FOXJ3: variants seen among roughly 807,000 people sequenced by gnomAD.
The protein encoded by FOXJ3 is forkhead box J3.
FOXJ3 carries 22 observed loss-of-function variants against 76.1 expected under a neutral mutation model. That is an observed-to-expected ratio of 0.29 (90% CI 0.21 to 0.41). The LOEUF (loss-of-function observed/expected upper bound fraction) is 0.41, where lower values mean the gene tolerates loss of function less well. FOXJ3 is among the 10% of genes least tolerant of loss of function. FOXJ3 has a pLI of 1.00. For synonymous variants in FOXJ3, 269 were observed against 261.2 expected, an observed-to-expected ratio of 1.03 and a Z score of -0.29; for missense variants, 613 against 762.1, an observed-to-expected ratio of 0.80 and a Z score of 2.30.
intron 2 of FOXJ3, among the ~76,000 whole-genome samples, chr1:42,298,337 G>A (rs1337190228): frequency 6.6e-6 from 1 of 152,112 alleles, no homozygotes; most frequent in Non-Finnish European, 1.5e-5. Context: ...ATTACTGATT[G>A]AATTTTGTTA....
intron 4 of FOXJ3, among the ~76,000 whole-genome samples, chr1:42,251,323 G>A (rs1650029907): frequency 6.6e-6 from 1 of 152,162 alleles, no homozygotes; most frequent in South Asian, 2.1e-4. Flanking sequence ...ACTCGGACAA[G>A]TGGGAATACC....
chr1:42,254,850 A>T (rs1156980341), intron 4 of FOXJ3, among the ~76,000 whole-genome samples: 1 of 150,344 alleles, frequency 6.7e-6, no homozygotes, highest in African/African-American at 2.5e-5. Flanking sequence ...GCATTAGGAG[A>T]TATACCTAAT....
chr1:42,219,509 T>C (rs559138570), intron 5 of FOXJ3, among the ~76,000 whole-genome samples: 1 of 152,194 alleles, frequency 6.6e-6, no homozygotes. Flanking sequence ...CCATTTCCCA[T>C]AAATCTTGTA....
intron 11 of FOXJ3, among the ~76,000 whole-genome samples, chr1:42,186,441 T>G (rs979405252): frequency 6.6e-6 from 1 of 152,108 alleles, no homozygotes; most frequent in Non-Finnish European, 1.5e-5. Context: ...TTTTCTACCT[T>G]TGATAGGCTG....
Position 42,324,298 on chromosome 1 carries a change from T to C in FOXJ3, c.-18+10761A>G, listed in dbSNP as rs1570261037. Among the ~76,000 whole-genome samples, 9 of 142,862 alleles carry C rather than the reference T, an allele frequency of 6.3e-5. 2 individuals carry two copies. The South Asian group carries it at 1.9e-3, about 31-fold the overall frequency. 93.7% of individuals were successfully genotyped at this position (142,862 alleles called of 152,430 possible). A position where few individuals can be genotyped will look rare whatever the true frequency, so the allele number is the denominator to read the frequency against. On this transcript the variant is annotated intron_variant, in intron 1 of 12. Transcript: ENST00000361346. ...CTATATATATTATACACATATATTA[T>C]ATATATACACTATATATACACGAGA...
At chr1:42,250,756 C>T (rs1649961300) in intron 4 of FOXJ3, among the ~76,000 whole-genome samples, 2 of 147,218 alleles carry the variant, frequency 1.4e-5, no homozygotes, top group African/African-American at 2.5e-5. Flanking sequence ...AGAAATCACG[C>T]CATTGCACTC....
intron 7 of FOXJ3, among the ~76,000 whole-genome samples, chr1:42,196,416 G>C (rs1646652189): frequency 6.6e-6 from 1 of 152,212 alleles, no homozygotes; most frequent in Admixed American, 6.5e-5. Flanking sequence ...GCAGGGCCGG[G>C]TGCAGTGGCT....
At chr1:42,250,034 G>T (rs1649892982) in intron 4 of FOXJ3, among the ~76,000 whole-genome samples, 1 of 152,150 alleles carries the variant, frequency 6.6e-6, no homozygotes, top group Admixed American at 6.5e-5. Context: ...AAATTTAGAA[G>T]CATGAAGCTG....
At chr1:42,226,880 AC>A (rs1195936658) in intron 5 of FOXJ3, among the ~76,000 whole-genome samples, 1 of 152,158 alleles carries the variant, frequency 6.6e-6, no homozygotes, top group Non-Finnish European at 1.5e-5. Flanking sequence ...AAAAGTTTTA[AC>A]CCTTTACTGG....
chr1:42,274,156 C>T (rs1441320735), intron 3 of FOXJ3, among the ~76,000 whole-genome samples: 1 of 152,150 alleles, frequency 6.6e-6, no homozygotes, highest in Non-Finnish European at 1.5e-5. Flanking sequence ...AATTTTCTAG[C>T]CTTTTCTCAG....
chr1:42,217,321 G>C (rs1271819267), intron 5 of FOXJ3, among the ~76,000 whole-genome samples: 1 of 152,112 alleles, frequency 6.6e-6, no homozygotes, highest in Non-Finnish European at 1.5e-5. Context: ...ACAAGATCAA[G>C]AGATCAAGAC....
intron 5 of FOXJ3, among the ~76,000 whole-genome samples, chr1:42,215,240 T>TA (rs1239562487): frequency 1.3e-5 from 2 of 151,494 alleles, no homozygotes; most frequent in African/African-American, 4.9e-5. Context: ...CTCAATGAAA[T>TA]AAAGTTAAAA....
intron 5 of FOXJ3, among the ~76,000 whole-genome samples, chr1:42,211,454 T>C (rs955736381): frequency 5.9e-5 from 9 of 152,072 alleles, no homozygotes; most frequent in South Asian, 4.2e-4. Context: ...GGTGGTTTCC[T>C]TCCTTCCCCT....
chr1:42,268,585 A>G (rs1420592048), intron 3 of FOXJ3, among the ~76,000 whole-genome samples: 2 of 152,210 alleles, frequency 1.3e-5, no homozygotes, highest in Non-Finnish European at 2.9e-5. Context: ...AATTGTATAA[A>G]GCAAATATAA....
At position 42,176,930 on chromosome 1, in the gene FOXJ3, A is replaced by C. The variant is rs1646225722; in HGVS notation, c.*2780T>G. ...CATCTGAGCGACACGTATTTACAAG[A>C]ACACACATGAATACATTTACATTTC... On this transcript the variant is annotated 3_prime_UTR_variant, in exon 13 of 13. Coordinates refer to ENST00000361346, the MANE Select transcript of FOXJ3 (RefSeq NM_014947.5). The C allele has an allele frequency of 6.5e-6, 1 of 152,674 alleles. No individual in the cohort carries two copies. Among genetic ancestry groups the C allele is most frequent in the Non-Finnish European group, 1.5e-5 (1 of 68,046 alleles). The allele number at this position is 152,674 out of a possible 1,614,324, so 9.5% of individuals were successfully genotyped here.
chr1:42,184,709 A>G (rs1316499194), intron 11 of FOXJ3, among the ~76,000 whole-genome samples: 1 of 152,146 alleles, frequency 6.6e-6, no homozygotes, highest in Non-Finnish European at 1.5e-5. Context: ...GCAGAGAGAG[A>G]GAACAAGGAC....
intron 11 of FOXJ3, among the ~76,000 whole-genome samples, chr1:42,187,757 G>A (rs2124167643): frequency 6.6e-6 from 1 of 152,324 alleles, no homozygotes; most frequent in African/African-American, 2.4e-5. Context: ...ATCAGCCAGG[G>A]ACTGAACAAG....
chr1:42,297,927 C>T (rs1380402358), intron 2 of FOXJ3, among the ~76,000 whole-genome samples: 3 of 152,202 alleles, frequency 2.0e-5, no homozygotes, highest in South Asian at 4.2e-4. Flanking sequence ...TCTATCTGGT[C>T]CTGGCCTTTT....
chr1:42,207,663 G>GA (rs1322644864), intron 5 of FOXJ3, among the ~76,000 whole-genome samples: 1 of 152,154 alleles, frequency 6.6e-6, no homozygotes, highest in Non-Finnish European at 1.5e-5. Context: ...CCAGATGAGC[G>GA]AGAGAGCAAT....
Sources: allele counts gnomAD v4.1 joint callset (sites outside exome capture counted in the v4.1 genomes callset), GRCh38; gene constraint gnomAD v4.1.1; transcripts MANE v1.5; gene names NCBI Gene and HGNC (gene_info 2026-07-23, HGNC 2026-07-21).